HS3ST4: variants seen among roughly 807,000 people sequenced by gnomAD.
The protein encoded by HS3ST4 is heparan sulfate-glucosamine 3-sulfotransferase 4, also known as heparan sulfate glucosamine 3-O-sulfotransferase 4.
Under a neutral mutation model 29.2 loss-of-function variants are expected in HS3ST4, and 17 were observed. The observed-to-expected ratio is 0.58, with a 90% CI of 0.40 to 0.87. HS3ST4 has a LOEUF of 0.87. Ranked by LOEUF, HS3ST4 falls within the 40% of genes least tolerant of loss-of-function variation. The probability of loss-of-function intolerance (pLI) is 0.00; values close to 1 mark genes in which losing one functional copy is unlikely to be tolerated. For missense variants in HS3ST4, 627 were observed against 634.5 expected, an observed-to-expected ratio of 0.99 and a Z score of 0.13; for synonymous variants, 314 against 285.7, an observed-to-expected ratio of 1.10 and a Z score of -1.00.
chr16:26,122,196 AT>A, intron 1 of HS3ST4, among the ~76,000 whole-genome samples: 2 of 151,870 alleles, frequency 1.3e-5, no homozygotes, highest in African/African-American at 4.8e-5. Flanking sequence ...AAAAAAAAAA[AT>A]CACATATCAA....
At chr16:25,811,413 TTTC>T (rs1477427781) in intron 1 of HS3ST4, among the ~76,000 whole-genome samples, 2 of 146,732 alleles carry the variant, frequency 1.4e-5, no homozygotes, top group South Asian at 2.2e-4. Context: ...TTAATAACAT[TTTC>T]TTCTTCTTTT....
intron 1 of HS3ST4, among the ~76,000 whole-genome samples, chr16:25,728,681 C>A (rs142991026): frequency 6.6e-6 from 1 of 152,128 alleles, no homozygotes; most frequent in African/African-American, 2.4e-5. Flanking sequence ...ATCAGAGACT[C>A]GGTGGGATAG....
chr16:25,699,448 C>T lies in HS3ST4; in HGVS notation c.734+6297C>T, dbSNP rs540205036. 2.0e-5 allele frequency among the ~76,000 whole-genome samples: 3 copies of T among 152,194 alleles called. 1 individual carries two copies. Among genetic ancestry groups the T allele is most frequent in the East Asian group, 3.8e-4 (2 of 5,200 alleles). On this transcript the variant is annotated intron_variant, in intron 1 of 1. Coordinates refer to ENST00000331351, the MANE Select transcript of HS3ST4 (RefSeq NM_006040.3). Reference sequence around the variant, plus strand: ...CTGGGGAAATTCTCAATTTTTCACTCGTTAATCAGGAGTGCTTGTATTTGA... The same window carrying T: ...CTGGGGAAATTCTCAATTTTTCACTTGTTAATCAGGAGTGCTTGTATTTGA...
chr16:25,734,098 C>G (rs1966590118), intron 1 of HS3ST4, among the ~76,000 whole-genome samples: 2 of 152,184 alleles, frequency 1.3e-5, no homozygotes, highest in South Asian at 4.1e-4. Context: ...GCCTGGGTGA[C>G]AGAGCGAGAC....
chr16:25,946,263 A>G (rs1968625468), intron 1 of HS3ST4, among the ~76,000 whole-genome samples: 1 of 152,192 alleles, frequency 6.6e-6, no homozygotes, highest in Non-Finnish European at 1.5e-5. Context: ...ATGAACACCC[A>G]TCACATAGAT....
At chr16:25,743,084 A>G (rs995769249) in intron 1 of HS3ST4, among the ~76,000 whole-genome samples, 3 of 152,224 alleles carry the variant, frequency 2.0e-5, no homozygotes, top group African/African-American at 4.8e-5. Flanking sequence ...TCAACATTCC[A>G]GAGAGTTAGC....
intron 1 of HS3ST4, among the ~76,000 whole-genome samples, chr16:25,954,274 A>G (rs1968707025): frequency 6.6e-6 from 1 of 152,220 alleles, no homozygotes; most frequent in African/African-American, 2.4e-5. Context: ...CTAATCCCAA[A>G]TGCTGCATCA....
At chr16:25,693,239 A>G (rs1029626058) in intron 1 of HS3ST4, 88 bp downstream of exon 1, 2 of 1,382,336 alleles carry the variant, frequency 1.4e-6, no homozygotes, top group African/African-American at 1.5e-5. Flanking sequence ...TCGAGCATCC[A>G]GGCACCGTCC....
chr16:25,786,821 T>A (rs947725006), intron 1 of HS3ST4, among the ~76,000 whole-genome samples: 2 of 152,196 alleles, frequency 1.3e-5, no homozygotes, highest in African/African-American at 4.8e-5. Context: ...ACCCTATAAT[T>A]TCAGAGTATG....
intron 1 of HS3ST4, among the ~76,000 whole-genome samples, chr16:26,055,139 G>A (rs975381599): frequency 6.7e-6 from 1 of 150,012 alleles, no homozygotes; most frequent in African/African-American, 2.5e-5. Context: ...GCTCTTTAAT[G>A]TGAATCATTC....
chr16:26,050,708 C>A lies in HS3ST4; in HGVS notation c.735-84904C>A, dbSNP rs191442171. Among the ~76,000 whole-genome samples the A allele has an allele frequency of 8.4e-4, 128 of 152,230 alleles. 1 individual carries two copies. Among genetic ancestry groups the A allele is most frequent in the African/African-American group, 2.4e-3 (100 of 41,556 alleles). On this transcript the variant is annotated intron_variant, in intron 1 of 1. Transcript: ENST00000331351. ...AGCCTCAGCATTCTTGTGCGTCCAGCGGACAGAGGCATACCCCATGCATAT... is the reference window on the plus strand; with the variant it reads ...AGCCTCAGCATTCTTGTGCGTCCAGAGGACAGAGGCATACCCCATGCATAT...
chr16:25,752,856 A>G (rs954963265), intron 1 of HS3ST4, among the ~76,000 whole-genome samples: 1 of 152,230 alleles, frequency 6.6e-6, no homozygotes, highest in Admixed American at 6.5e-5. Flanking sequence ...GGGCCCTGCA[A>G]TTACAGATAG....
intron 1 of HS3ST4, among the ~76,000 whole-genome samples, chr16:25,717,005 G>A (rs1400325416): frequency 6.6e-6 from 1 of 151,984 alleles, no homozygotes; most frequent in Non-Finnish European, 1.5e-5. Context: ...AGTGAGCCGA[G>A]TTCGGGCCAT....
chr16:26,046,879 C>T (rs1213481538), intron 1 of HS3ST4, among the ~76,000 whole-genome samples: 1 of 152,144 alleles, frequency 6.6e-6, no homozygotes, highest in Non-Finnish European at 1.5e-5. Context: ...AAATGAGTCA[C>T]TTTAATTCAT....
chr16:25,738,125 C>T (rs916898835), intron 1 of HS3ST4, among the ~76,000 whole-genome samples: 5 of 151,978 alleles, frequency 3.3e-5, no homozygotes, highest in Non-Finnish European at 7.4e-5. Flanking sequence ...AGGATGGTCT[C>T]GATTTCCTGA....
intron 1 of HS3ST4, among the ~76,000 whole-genome samples, chr16:25,744,895 C>T (rs1966676396): frequency 6.6e-6 from 1 of 152,204 alleles, no homozygotes; most frequent in Non-Finnish European, 1.5e-5. Flanking sequence ...GCTTCCCCAG[C>T]CATGTGGAAC....
At chr16:25,859,772 C>G (rs529735951) in intron 1 of HS3ST4, among the ~76,000 whole-genome samples, 3 of 152,174 alleles carry the variant, frequency 2.0e-5, no homozygotes, top group African/African-American at 7.2e-5. Flanking sequence ...TGTTCCCCAT[C>G]ATATGTCATT....
At chr16:26,062,106 A>G (rs1898483060) in intron 1 of HS3ST4, among the ~76,000 whole-genome samples, 1 of 152,202 alleles carries the variant, frequency 6.6e-6, no homozygotes, top group Admixed American at 6.5e-5. Context: ...GGACAAAAAG[A>G]TTAATGAGCT....
chr16:25,766,753 A>G lies in HS3ST4; in HGVS notation c.734+73602A>G, dbSNP rs567708251. ...GGGGGTGCAAGCAGGCGATACAAGC[A>G]AAATCACTGCAGATGCCTGTAATGA... On this transcript the variant is annotated intron_variant, in intron 1 of 1. Coordinates refer to ENST00000331351, the MANE Select transcript of HS3ST4 (RefSeq NM_006040.3). 6.6e-5 allele frequency among the ~76,000 whole-genome samples: 10 copies of G among 152,374 alleles called. No homozygotes were observed. In the South Asian group the frequency reaches 1.0e-3, roughly 16 times the overall value.
Sources: gnomAD v4.1 joint callset for allele counts (sites outside exome capture counted in the v4.1 genomes callset) on GRCh38, gnomAD v4.1.1 for gene constraint, MANE v1.5 for transcripts, NCBI Gene and HGNC (gene_info 2026-07-23, HGNC 2026-07-21) for gene names.